RBM44: variants seen among roughly 807,000 people sequenced by gnomAD.
RBM44 encodes RNA binding motif protein 44, also known as RNA-binding protein 44.
In RBM44, 66 loss-of-function variants were observed where a neutral mutation model predicts 105.1. The observed-to-expected ratio is 0.63, with a 90% CI of 0.52 to 0.77. RBM44 has a LOEUF of 0.77. RBM44 is among the 30% of genes least tolerant of loss of function. The pLI, the probability that RBM44 is intolerant of heterozygous loss-of-function variation, is 0.00. For missense variants in RBM44, 1,122 were observed against 1,207.8 expected (o/e 0.93, Z 1.05); for synonymous variants, 365 against 417.6 (o/e 0.87, Z 1.54).
intron 15 of RBM44, among the ~76,000 whole-genome samples, chr2:237,836,300 G>A (rs1451345588): frequency 2.0e-5 from 3 of 152,092 alleles, no homozygotes; most frequent in African/African-American, 7.2e-5. Context: ...ATAGCATGGA[G>A]GTTTTTTGGG....
intron 13 of RBM44, among the ~76,000 whole-genome samples, chr2:237,831,243 T>TTG (rs1491396454): frequency 1.0e-4 from 11 of 107,722 alleles, no homozygotes; most frequent in South Asian, 4.0e-4. Flanking sequence ...TCCTTTTTTT[T>TTG]GGGGGGGGGG....
At chr2:237,809,748 C>G (rs1465488645) in intron 1 of RBM44, among the ~76,000 whole-genome samples, 1 of 152,134 alleles carries the variant, frequency 6.6e-6, no homozygotes, top group African/African-American at 2.4e-5. Flanking sequence ...AGTAGCACCA[C>G]AATACAAGCA....
In RBM44 at chr2:237,803,789, T is replaced by G. The variant is rs1364989769; in HGVS notation, c.-19+4928T>G. 6.6e-5 allele frequency among the ~76,000 whole-genome samples: 10 copies of G among 152,198 alleles called. No individual in the cohort carries two copies. The highest frequency in any genetic ancestry group is 1.2e-4 in the Non-Finnish European group (8 of 68,034). On this transcript the variant is annotated intron_variant, in intron 1 of 15. Transcript: ENST00000316997. The surrounding 1 kb of genome is among the most constrained non-coding windows in gnomAD (Gnocchi z 4.2). Reference sequence around the variant, plus strand: ...GATTCATCTCACTTTTATTGTGGTGTGAGGTGTGGGTCCAGGCAATTTTTC... The same window carrying G: ...GATTCATCTCACTTTTATTGTGGTGGGAGGTGTGGGTCCAGGCAATTTTTC...
At chr2:237,822,554 G>C (rs879644052) in intron 8 of RBM44, among the ~76,000 whole-genome samples, 7 of 152,124 alleles carry the variant, frequency 4.6e-5, no homozygotes, top group Admixed American at 4.6e-4. Context: ...AAAGTTAAAA[G>C]TGAAATACTT....
At chr2:237,814,821 A>G (rs1263759400) in intron 2 of RBM44, among the ~76,000 whole-genome samples, 2 of 152,164 alleles carry the variant, frequency 1.3e-5, no homozygotes, top group East Asian at 3.8e-4. Context: ...GAAGAAAGTT[A>G]AGTTAGAGTT....
rs1380796566 is a variant in RBM44 at position 237,842,682 on chromosome 2, A to G, written c.*866A>G. Reference sequence around the variant, plus strand: ...TAGTAAGATTAACATTTAAGTCTGCATTTTCTTTAAATGTTTTAAATGTTT... The same window carrying G: ...TAGTAAGATTAACATTTAAGTCTGCGTTTTCTTTAAATGTTTTAAATGTTT... On this transcript the variant is annotated 3_prime_UTR_variant, in exon 16 of 16. Transcript: ENST00000316997. The G allele has an allele frequency of 6.6e-6, 1 of 151,998 alleles. No homozygotes were observed. The highest frequency in any genetic ancestry group is 1.9e-4 in the East Asian group (1 of 5,204). 9.4% of individuals were successfully genotyped at this position (151,998 alleles called of 1,614,324 possible).
intron 1 of RBM44, among the ~76,000 whole-genome samples, chr2:237,800,580 TTTTAA>T (rs2061535377): frequency 6.6e-6 from 1 of 152,354 alleles, no homozygotes; most frequent in South Asian, 2.1e-4. Flanking sequence ...GAAAATATGT[TTTTAA>T]TTTAAAATTT....
chr2:237,821,414 A>G, intron 7 of RBM44, 46 bp downstream of exon 7: 2 of 1,408,486 alleles, frequency 1.4e-6, no homozygotes, highest in Non-Finnish European at 1.9e-6. Context: ...GATCCTAAAA[A>G]TTGCTTAATT....
At chr2:237,824,490 T>C in intron 10 of RBM44, 71 bp downstream of exon 10, 1 of 1,276,104 alleles carries the variant, frequency 7.8e-7, no homozygotes, top group South Asian at 1.4e-5. Context: ...CCTGCTTCTG[T>C]GTTGTGTTGG....
chr2:237,840,147 C>T (rs1034952176), intron 15 of RBM44, among the ~76,000 whole-genome samples: 15 of 144,538 alleles, frequency 1.0e-4, no homozygotes, highest in Admixed American at 6.4e-4. Flanking sequence ...GAGATTACAC[C>T]GCTGCACTCC....
In RBM44 at chr2:237,820,087, A is replaced by G. The variant is rs997516683; in HGVS notation, c.1737-88A>G. 68 of 668,338 alleles carry G rather than the reference A, an allele frequency of 1.0e-4. 1 individual carries two copies. In the African/African-American group the frequency reaches 1.1e-3, roughly 11 times the overall value. 41.4% of individuals were successfully genotyped at this position (668,338 alleles called of 1,614,324 possible). ...TGATTTAAACTTGACAGGGAAATAT[A>G]AAAAATTTAAAATCTGTTTCTGGAG... On this transcript the variant is annotated intron_variant, in intron 4 of 15. Coordinates refer to ENST00000316997, the MANE Select transcript of RBM44 (RefSeq NM_001080504.3).
rs1399849252 is a variant in RBM44, at chr2:237,818,319, C to T, written c.1400C>T (p.Thr467Ile). Residue 467 changes from threonine to isoleucine, a missense_variant, in exon 3 of 16, where the codon ACA (threonine) becomes ATA (isoleucine). By Grantham distance (89) the Thr-to-Ile change is moderately conservative. Transcript: ENST00000316997. The surrounding 1 kb of genome is among the most constrained non-coding windows in gnomAD (Gnocchi z 4.6). ...AASCTVTINQ[T>I]VDVSTDFRAC... The stretch of plus-strand genomic sequence containing the variant: ...AGTTGTACAGTCACAATTAATCAGA[C>T]AGTGGACGTTAGCACTGATTTTAGG... 9 of 1,613,336 alleles carry T rather than the reference C, an allele frequency of 5.6e-6. No homozygotes were observed. Among genetic ancestry groups the T allele is most frequent in the Non-Finnish European group, 7.6e-6 (9 of 1,179,562 alleles).
chr2:237,829,438 TG>T lies in RBM44; in HGVS notation c.2823del (p.Leu941PhefsTer50). 6.2e-7 allele frequency: 1 copy of T among 1,613,770 alleles called. No homozygotes were observed. Among genetic ancestry groups the T allele is most frequent in the Non-Finnish European group, 8.5e-7 (1 of 1,179,708 alleles). On this transcript the variant is annotated frameshift_variant, in exon 13 of 16. Coordinates refer to ENST00000316997, the MANE Select transcript of RBM44 (RefSeq NM_001080504.3). LOFTEE classifies it high-confidence loss of function. Reference protein sequence around the residue: ...QIHSEFSISRLPRTRPRQLGS... With the variant: ...QIHSEFSISRXPRTRPRQLGS... ...CACTCAGAATTCTCCATTTCTAGATTGCCCAGAACTAGGCCACGGCAGCTGG... is the reference window on the plus strand; with the variant it reads ...CACTCAGAATTCTCCATTTCTAGATTCCCAGAACTAGGCCACGGCAGCTGG...
chr2:237,829,752 G>A (rs1009702148), intron 13 of RBM44, among the ~76,000 whole-genome samples: 3 of 151,942 alleles, frequency 2.0e-5, no homozygotes, highest in Admixed American at 6.6e-5. Context: ...CCAGTCTTTC[G>A]CCGTCTTTTT....
chr2:237,805,526 C>T (rs1326206843), intron 1 of RBM44, among the ~76,000 whole-genome samples: 2 of 152,068 alleles, frequency 1.3e-5, no homozygotes, highest in Admixed American at 6.5e-5. Context: ...CCTGAATAGC[C>T]AAAGCAATGG....
Position 237,842,016 on chromosome 2 carries a change from T to A in RBM44, c.*200T>A, listed in dbSNP as rs2062015958. The A allele has an allele frequency of 6.6e-6, 1 of 152,100 alleles. No homozygotes were observed. The allele number at this position is 152,100 out of a possible 1,614,324, so 9.4% of individuals were successfully genotyped here. ...AACAGTTGTCTATACAATATTAAGA[T>A]CTTCTCTATATATTTAAAGTTAAAA... On this transcript the variant is annotated 3_prime_UTR_variant, in exon 16 of 16. Coordinates refer to ENST00000316997, the MANE Select transcript of RBM44 (RefSeq NM_001080504.3).
At chr2:237,822,581 C>T (rs1030289306) in intron 8 of RBM44, among the ~76,000 whole-genome samples, 2 of 152,014 alleles carry the variant, frequency 1.3e-5, no homozygotes, top group Non-Finnish European at 2.9e-5. Context: ...AAGTAAATTA[C>T]TTTAACATTG....
chr2:237,825,437 C>G (rs1464768188), intron 10 of RBM44, among the ~76,000 whole-genome samples: 1 of 152,176 alleles, frequency 6.6e-6, no homozygotes, highest in Non-Finnish European at 1.5e-5. Flanking sequence ...AACTCCTGAT[C>G]TCAAGTGATC....
chr2:237,799,980 A>T (rs1229476282), intron 1 of RBM44, among the ~76,000 whole-genome samples: 2 of 152,160 alleles, frequency 1.3e-5, no homozygotes, highest in African/African-American at 4.8e-5. Context: ...AAAGAAAATA[A>T]TAAAAATGGG....
Sources: allele counts gnomAD v4.1 joint callset (sites outside exome capture counted in the v4.1 genomes callset), GRCh38; gene constraint gnomAD v4.1.1; non-coding constraint Gnocchi (gnomAD v3.1); transcripts MANE v1.5; gene names NCBI Gene and HGNC (gene_info 2026-07-23, HGNC 2026-07-21).